RPS6KC1: variants seen among roughly 807,000 people sequenced by gnomAD.
The protein encoded by RPS6KC1 is inactive ribosomal protein S6 kinase delta-1.
Under a neutral mutation model 103.8 loss-of-function variants are expected in RPS6KC1, and 54 were observed. The ratio of observed to expected loss-of-function variants is 0.52; its 90% confidence interval spans 0.42 to 0.65. RPS6KC1 has a LOEUF of 0.65. Ranked by LOEUF, RPS6KC1 falls within the 30% of genes least tolerant of loss-of-function variation. The pLI, the probability that RPS6KC1 is intolerant of heterozygous loss-of-function variation, is 0.00. For missense variants in RPS6KC1, 1,151 were observed against 1,253.8 expected (o/e 0.92, Z 1.24); for synonymous variants, 439 against 438.7 (o/e 1.00, Z -0.01).
intron 1 of RPS6KC1, among the ~76,000 whole-genome samples, chr1:213,070,696 G>T (rs1362350535): frequency 6.6e-6 from 1 of 152,192 alleles, no homozygotes; most frequent in African/African-American, 2.4e-5. Flanking sequence ...GGTGATTGGC[G>T]CCAGAGTAGG....
chr1:213,052,435 A>C (rs187652833), intron 1 of RPS6KC1, among the ~76,000 whole-genome samples: 180 of 152,190 alleles, frequency 1.2e-3, no homozygotes, highest in African/African-American at 3.2e-3. Context: ...ACTCCAAGTT[A>C]TATAAAATGT....
the RPS6KC1 span, among the ~76,000 whole-genome samples, chr1:213,501,344 G>A: frequency 6.6e-6 from 1 of 152,128 alleles, no homozygotes; most frequent in Non-Finnish European, 1.5e-5. Context: ...AAAAAATTAT[G>A]TTCTCCCAAC....
At chr1:213,829,230 G>C in the RPS6KC1 span, among the ~76,000 whole-genome samples, 1 of 143,458 alleles carries the variant, frequency 7.0e-6, no homozygotes, top group East Asian at 2.0e-4. Context: ...CCATGTCATG[G>C]GTACAGTCAC....
chr1:213,094,130 C>T (rs1026999366), intron 3 of RPS6KC1, among the ~76,000 whole-genome samples: 6 of 150,600 alleles, frequency 4.0e-5, no homozygotes, highest in African/African-American at 1.2e-4. Flanking sequence ...CATATATATA[C>T]GTTTTTTTCC....
chr1:213,739,369 C>A, the RPS6KC1 span, among the ~76,000 whole-genome samples: 1 of 152,064 alleles, frequency 6.6e-6, no homozygotes, highest in Non-Finnish European at 1.5e-5. Context: ...CAACAGTAGG[C>A]TATTAGTAGT....
At chr1:213,160,632 G>C (rs1281893537) in intron 6 of RPS6KC1, among the ~76,000 whole-genome samples, 1 of 151,596 alleles carries the variant, frequency 6.6e-6, no homozygotes, top group Non-Finnish European at 1.5e-5. Context: ...TTATAATAGT[G>C]GTGGCAAGTC....
chr1:213,242,706 GCT>G lies in RPS6KC1; in HGVS notation c.2911+52_2911+53del, dbSNP rs777670279. On this transcript the variant is annotated intron_variant, in intron 12 of 14. Transcript: ENST00000366960. Reference sequence around the variant, plus strand: ...TTTCACTTGAAAAAGTGGTTCGGCAGCTCTCATTTCTTTATAGAAGTTGTATT... The same window carrying G: ...TTTCACTTGAAAAAGTGGTTCGGCAGCTCATTTCTTTATAGAAGTTGTATT... 4.5e-6 allele frequency: 6 copies of G among 1,322,640 alleles called. No homozygotes were observed. In the Admixed American group the frequency reaches 1.1e-4, roughly 24 times the overall value. 81.9% of individuals were successfully genotyped at this position (1,322,640 alleles called of 1,614,324 possible).
intron 1 of RPS6KC1, among the ~76,000 whole-genome samples, chr1:213,062,530 A>G (rs2077934391): frequency 6.6e-6 from 1 of 152,108 alleles, no homozygotes; most frequent in Non-Finnish European, 1.5e-5. Context: ...AATCATCATT[A>G]TGGTGATAAT....
the RPS6KC1 span, among the ~76,000 whole-genome samples, chr1:213,514,888 C>G: frequency 0.096 from 14,607 of 152,160 alleles, 1,400 homozygotes; most frequent in African/African-American, 0.24. Flanking sequence ...CTCTCCAGCA[C>G]CTGTTGTTTC....
chr1:213,480,525 G>A, the RPS6KC1 span, among the ~76,000 whole-genome samples: 1 of 152,002 alleles, frequency 6.6e-6, no homozygotes, highest in Non-Finnish European at 1.5e-5. Flanking sequence ...TGCAAATAAT[G>A]ACAATTTTGT....
the RPS6KC1 span, among the ~76,000 whole-genome samples, chr1:213,440,146 A>T: frequency 6.6e-6 from 1 of 152,134 alleles, no homozygotes; most frequent in Non-Finnish European, 1.5e-5. Context: ...AAAAATCTTT[A>T]CTAGTTCCAT....
intron 3 of RPS6KC1, among the ~76,000 whole-genome samples, chr1:213,092,243 T>C (rs1039248646): frequency 3.3e-5 from 5 of 152,338 alleles, no homozygotes; most frequent in Admixed American, 6.5e-5. Flanking sequence ...TACACACATA[T>C]ATACATATAC....
At chr1:213,758,447 G>A in the RPS6KC1 span, among the ~76,000 whole-genome samples, 7 of 152,128 alleles carry the variant, frequency 4.6e-5, no homozygotes, top group African/African-American at 1.4e-4. Flanking sequence ...GTATGGTGGT[G>A]CACATCTGTG....
the RPS6KC1 span, among the ~76,000 whole-genome samples, chr1:213,758,830 G>T: frequency 6.6e-6 from 1 of 152,198 alleles, no homozygotes; most frequent in African/African-American, 2.4e-5. Flanking sequence ...TTTTATGAAT[G>T]AGCAAAGAAA....
chr1:213,843,009 A>T, the RPS6KC1 span, among the ~76,000 whole-genome samples: 2 of 152,186 alleles, frequency 1.3e-5, no homozygotes, highest in Non-Finnish European at 2.9e-5. Context: ...CTGGCAAATC[A>T]GTAGAGGACA....
chr1:213,061,830 T>C (rs2077869356), intron 1 of RPS6KC1, among the ~76,000 whole-genome samples: 1 of 152,174 alleles, frequency 6.6e-6, no homozygotes, highest in Admixed American at 6.5e-5. Context: ...AGAGTGGACA[T>C]GTTTTCCATG....
chr1:213,281,463 C>T, the RPS6KC1 span, among the ~76,000 whole-genome samples: 1 of 152,224 alleles, frequency 6.6e-6, no homozygotes, highest in Non-Finnish European at 1.5e-5. Flanking sequence ...CAGGTACTTC[C>T]TTACCAGCAG....
the RPS6KC1 span, among the ~76,000 whole-genome samples, chr1:213,728,948 G>GTTTTTTTTTTTTTTT: frequency 2.2e-5 from 2 of 91,288 alleles, no homozygotes; most frequent in Non-Finnish European, 4.1e-5. Flanking sequence ...TTTTTTTTTT[G>GTTTTTTTTTTTTTTT]TTTTTTTTTT....
chr1:213,124,960 T>C (rs867237436), intron 5 of RPS6KC1, among the ~76,000 whole-genome samples: 2 of 152,174 alleles, frequency 1.3e-5, no homozygotes, highest in African/African-American at 4.8e-5. Flanking sequence ...AACTCCTTTT[T>C]TAAGTTTGGA....
Sources: allele counts gnomAD v4.1 joint callset (sites outside exome capture counted in the v4.1 genomes callset), GRCh38; gene constraint gnomAD v4.1.1; transcripts MANE v1.5; gene names NCBI Gene and HGNC (gene_info 2026-07-23, HGNC 2026-07-21).